The following CDH20 variants were observed in gnomAD, a reference collection of about 807,000 sequenced individuals.
CDH20 encodes cadherin 20, also known as cadherin-20.
Under a neutral mutation model 74.2 loss-of-function variants are expected in CDH20, and 29 were observed. That is an observed-to-expected ratio of 0.39 (90% CI 0.29 to 0.53). The LOEUF is 0.53. CDH20 is among the 20% of genes least tolerant of loss of function. The probability of loss-of-function intolerance (pLI) is 0.69; values close to 1 mark genes in which losing one functional copy is unlikely to be tolerated. For synonymous variants in CDH20, 469 were observed against 405.4 expected (o/e 1.16, Z -1.88); for missense variants, 988 against 1,048.3 (o/e 0.94, Z 0.79).
In CDH20 at chr18:61,490,491, G is replaced by C; in HGVS notation, c.-63G>C. On this transcript the variant is annotated 5_prime_UTR_variant, in exon 2 of 12. Transcript: ENST00000262717. Reference sequence around the variant, plus strand: ...AAAAACTGTGTATTTTTTTAAATTTGGAAAATACTCAAGTTCCAGTTGCTT... The same window carrying C: ...AAAAACTGTGTATTTTTTTAAATTTCGAAAATACTCAAGTTCCAGTTGCTT... The C allele has an allele frequency of 6.6e-7, 1 of 1,525,952 alleles. No homozygotes were observed. Among genetic ancestry groups the C allele is most frequent in the Non-Finnish European group, 9.0e-7 (1 of 1,113,956 alleles). The allele number at this position is 1,525,952 out of a possible 1,614,324, so 94.5% of individuals were successfully genotyped here. A position where few individuals can be genotyped will look rare whatever the true frequency, so the allele number is the denominator to read the frequency against.
intron 1 of CDH20, among the ~76,000 whole-genome samples, chr18:61,371,506 C>T (rs766693951): frequency 5.3e-5 from 8 of 151,990 alleles, no homozygotes; most frequent in Non-Finnish European, 7.4e-5. Flanking sequence ...CATCTATATG[C>T]ATGGATATAA....
intron 1 of CDH20, among the ~76,000 whole-genome samples, chr18:61,434,206 T>C (rs923093215): frequency 6.6e-6 from 1 of 152,110 alleles, no homozygotes; most frequent in African/African-American, 2.4e-5. Flanking sequence ...GACATAAATC[T>C]TGTCAGTTAA....
At chr18:61,352,762 T>G (rs17068208) in intron 1 of CDH20, among the ~76,000 whole-genome samples, 8,364 of 152,210 alleles carry the variant, frequency 0.055, 718 homozygotes, top group African/African-American at 0.18. Context: ...TTCTTGAAAT[T>G]TCAAAATCTA....
At chr18:61,477,928 C>T (rs1453027245) in intron 1 of CDH20, among the ~76,000 whole-genome samples, 6 of 152,048 alleles carry the variant, frequency 3.9e-5, no homozygotes, top group African/African-American at 9.7e-5. Context: ...AGGCCAGGCA[C>T]GGTGGCTCAC....
chr18:61,527,377 A>AGATAGATAGATAGAT (rs879820640), intron 6 of CDH20, among the ~76,000 whole-genome samples: 3,040 of 149,510 alleles, frequency 0.02, 57 homozygotes, highest in Non-Finnish European at 0.03. Flanking sequence ...ATAGATAGAT[A>AGATAGATAGATAGAT]GATAGATAGA....
rs143452073 is a variant in CDH20, at chr18:61,430,434, C to T, written c.-152-59968C>T. On this transcript the variant is annotated intron_variant, in intron 1 of 11. Transcript: ENST00000262717. Reference sequence around the variant, plus strand: ...CATCACTGTTGATGTTAACCTTGCTCACCTTTCTGATACAGTGTTGTCCGG... The same window carrying T: ...CATCACTGTTGATGTTAACCTTGCTTACCTTTCTGATACAGTGTTGTCCGG... Among the ~76,000 whole-genome samples, 479 of 152,244 alleles carry T rather than the reference C, an allele frequency of 3.1e-3. 1 individual carries two copies. The highest frequency in any genetic ancestry group is 6.8e-3 in the Middle Eastern group (2 of 294).
intron 9 of CDH20, among the ~76,000 whole-genome samples, chr18:61,544,293 G>A (rs568511303): frequency 6.6e-6 from 1 of 152,356 alleles, no homozygotes; most frequent in Non-Finnish European, 1.5e-5. Flanking sequence ...GACTCCTGAA[G>A]CCCAAGTGGG....
chr18:61,429,780 T>C (rs1246759766), intron 1 of CDH20, among the ~76,000 whole-genome samples: 7 of 152,146 alleles, frequency 4.6e-5, no homozygotes, highest in Admixed American at 1.3e-4. Flanking sequence ...CTTTGAGGAG[T>C]TCACTTGAGA....
chr18:61,507,335 G>C (rs375244229), intron 5 of CDH20, 38 bp from the exon 6 acceptor site: 1 of 1,581,604 alleles, frequency 6.3e-7, no homozygotes, highest in Non-Finnish European at 8.6e-7. Context: ...TTATAGTGAC[G>C]GATTATCAAG....
intron 1 of CDH20, among the ~76,000 whole-genome samples, chr18:61,476,088 C>A (rs544306272): frequency 3.0e-4 from 46 of 152,150 alleles, no homozygotes; most frequent in Non-Finnish European, 6.2e-4. Context: ...ATATTATCTC[C>A]CACCCCGCAG....
chr18:61,398,281 T>C (rs557161721), intron 1 of CDH20, among the ~76,000 whole-genome samples: 1 of 152,240 alleles, frequency 6.6e-6, no homozygotes, highest in Admixed American at 6.5e-5. Context: ...TTGTAATTGA[T>C]AGTTCTTGTT....
intron 1 of CDH20, among the ~76,000 whole-genome samples, chr18:61,377,467 A>G (rs191038044): frequency 4.0e-5 from 6 of 151,898 alleles, no homozygotes; most frequent in African/African-American, 2.4e-5. Context: ...GCGAAGCCTC[A>G]TAAGTGGCCA....
intron 1 of CDH20, among the ~76,000 whole-genome samples, chr18:61,339,649 C>A (rs1331875223): frequency 6.7e-6 from 1 of 149,920 alleles, no homozygotes; most frequent in African/African-American, 2.4e-5. Flanking sequence ...TAATTTGATT[C>A]CATGCAATGG....
intron 2 of CDH20, among the ~76,000 whole-genome samples, chr18:61,496,682 A>G (rs943655617): frequency 1.3e-5 from 2 of 152,150 alleles, no homozygotes; most frequent in African/African-American, 2.4e-5. Context: ...TGAATATTTC[A>G]AGGATCACGG....
At chr18:61,463,197 C>T (rs896665630) in intron 1 of CDH20, among the ~76,000 whole-genome samples, 14 of 152,072 alleles carry the variant, frequency 9.2e-5, no homozygotes, top group Admixed American at 7.2e-4. Flanking sequence ...TCCTTGTAGG[C>T]ACCTTCATGA....
intron 1 of CDH20, among the ~76,000 whole-genome samples, chr18:61,429,765 A>G (rs1913190119): frequency 6.6e-6 from 1 of 152,166 alleles, no homozygotes; most frequent in African/African-American, 2.4e-5. Flanking sequence ...AAGAGCATAG[A>G]GATGCTTTGA....
intron 1 of CDH20, among the ~76,000 whole-genome samples, chr18:61,467,043 A>G (rs527828838): frequency 1.3e-5 from 2 of 152,288 alleles, no homozygotes; most frequent in South Asian, 4.1e-4. Context: ...TGTTACAAAC[A>G]AGGCTGCAGG....
chr18:61,363,062 C>T (rs984289327), intron 1 of CDH20, among the ~76,000 whole-genome samples: 1 of 152,016 alleles, frequency 6.6e-6, no homozygotes, highest in African/African-American at 2.4e-5. Context: ...AGCAGATGCA[C>T]CTTTTATGAT....
intron 1 of CDH20, among the ~76,000 whole-genome samples, chr18:61,420,328 C>A (rs1053334405): frequency 1.3e-5 from 2 of 149,552 alleles, no homozygotes; most frequent in African/African-American, 4.9e-5. Context: ...AGGAGCACAA[C>A]AACATGTCAT....
Sources: gnomAD v4.1 joint callset for allele counts (sites outside exome capture counted in the v4.1 genomes callset) on GRCh38, gnomAD v4.1.1 for gene constraint, MANE v1.5 for transcripts, NCBI Gene and HGNC (gene_info 2026-07-23, HGNC 2026-07-21) for gene names.